Variants in PAMR1 observed in about 807,000 individuals in gnomAD.
The protein encoded by PAMR1 is inactive serine protease PAMR1.
In PAMR1, 88 loss-of-function variants were observed where a neutral mutation model predicts 81.8. The observed-to-expected ratio is 1.08, with a 90% CI of 0.91 to 1.28. The LOEUF is 1.28. Among genes scored for constraint, PAMR1 ranks in the 50% most tolerant of loss-of-function variants. PAMR1 has a pLI of 0.00. For missense variants in PAMR1, 935 were observed against 919.7 expected, an observed-to-expected ratio of 1.02 and a Z score of -0.21; for synonymous variants, 336 against 345.3, an observed-to-expected ratio of 0.97 and a Z score of 0.30.
In PAMR1 at chr11:35,435,889, G is replaced by A. The variant is rs769933994; in HGVS notation, c.1333+14C>T. 6.3e-7 allele frequency: 1 copy of A among 1,581,344 alleles called. No individual in the cohort carries two copies. The highest frequency in any genetic ancestry group is 1.1e-5 in the South Asian group (1 of 90,436). ...ATTGAGCATGCTCAAGCCCAAGAAT[G>A]AGCCTTGACTCACTAGGGATGCAGG... On this transcript the variant is annotated intron_variant, in intron 9 of 10. Coordinates refer to ENST00000619888, the MANE Select transcript of PAMR1 (RefSeq NM_001001991.3).
intron 3 of PAMR1, among the ~76,000 whole-genome samples, chr11:35,482,491 T>C (rs1417520765): frequency 6.6e-6 from 1 of 152,230 alleles, no homozygotes; most frequent in Non-Finnish European, 1.5e-5. Flanking sequence ...CTTTGTTCTT[T>C]TTGCTTAAGA....
chr11:35,447,772 G>A (rs901930321), intron 6 of PAMR1, among the ~76,000 whole-genome samples: 2 of 152,174 alleles, frequency 1.3e-5, no homozygotes, highest in Non-Finnish European at 2.9e-5. Context: ...TTTTTGTAGT[G>A]GCTGGTGACA....
At chr11:35,454,736 A>C (rs1287618019) in intron 6 of PAMR1, among the ~76,000 whole-genome samples, 1 of 152,092 alleles carries the variant, frequency 6.6e-6, no homozygotes, top group East Asian at 1.9e-4. Context: ...TGTGTGCAGC[A>C]CTCCTAGGCA....
intron 1 of PAMR1, among the ~76,000 whole-genome samples, chr11:35,503,808 T>A (rs1850899773): frequency 6.6e-6 from 1 of 152,128 alleles, no homozygotes. Flanking sequence ...TTATTTGGTC[T>A]GCAAGCAAGG....
At chr11:35,482,575 A>C (rs142766300) in intron 3 of PAMR1, among the ~76,000 whole-genome samples, 22 of 152,338 alleles carry the variant, frequency 1.4e-4, no homozygotes, top group African/African-American at 5.1e-4. Flanking sequence ...TCTGTGAAGA[A>C]TGTCAATGAT....
In PAMR1 at chr11:35,515,699, A is replaced by G. The variant is rs599369; in HGVS notation, c.73+9814T>C. Among the ~76,000 whole-genome samples, 1,108 of 152,330 alleles carry G rather than the reference A, an allele frequency of 7.3e-3. 18 individuals are homozygous for G. The highest frequency in any genetic ancestry group is 0.025 in the African/African-American group (1,033 of 41,568). On this transcript the variant is annotated intron_variant, in intron 1 of 10. Coordinates refer to ENST00000619888, the MANE Select transcript of PAMR1 (RefSeq NM_001001991.3). ...CACATGCCTACAAGAACCTGCCACC[A>G]GCCCTATTTCAAACACAGAGAAATG...
At chr11:35,494,964 G>C (rs1203719545) in intron 1 of PAMR1, among the ~76,000 whole-genome samples, 1 of 151,752 alleles carries the variant, frequency 6.6e-6, no homozygotes, top group Admixed American at 6.6e-5. Context: ...TTATATTTTT[G>C]TTAGAATACA....
At chr11:35,435,753 GA>G (rs1223865951) in intron 9 of PAMR1, 149 bp downstream of exon 9, 53 of 612,704 alleles carry the variant, frequency 8.7e-5, no homozygotes, top group Middle Eastern at 3.2e-4. Context: ...TAAGCCAAAG[GA>G]AAAAAAAAGC....
In PAMR1 at chr11:35,451,052, C is replaced by G. The variant is rs1468732287; in HGVS notation, c.821-9359G>C. 4.6e-5 allele frequency among the ~76,000 whole-genome samples: 7 copies of G among 152,364 alleles called. No individual in the cohort carries two copies. In the East Asian group the frequency reaches 1.3e-3, roughly 29 times the overall value. Reference sequence around the variant, plus strand: ...ATACTGAGAGAAAATGAACTGTACTCTAGCCACATCTGCCTCAGCAGAGGA... The same window carrying G: ...ATACTGAGAGAAAATGAACTGTACTGTAGCCACATCTGCCTCAGCAGAGGA... On this transcript the variant is annotated intron_variant, in intron 6 of 10. Coordinates refer to ENST00000619888, the MANE Select transcript of PAMR1 (RefSeq NM_001001991.3).
chr11:35,469,911 T>A (rs1856820442), intron 5 of PAMR1, among the ~76,000 whole-genome samples: 1 of 152,166 alleles, frequency 6.6e-6, no homozygotes, highest in Non-Finnish European at 1.5e-5. Flanking sequence ...AAGCATTTTG[T>A]TCAGTTTGGT....
At chr11:35,483,329 G>A (rs1850437163) in intron 3 of PAMR1, among the ~76,000 whole-genome samples, 1 of 152,168 alleles carries the variant, frequency 6.6e-6, no homozygotes, top group South Asian at 2.1e-4. Flanking sequence ...CCATGAGACT[G>A]TGAGACTTTG....
chr11:35,515,464 T>C (rs899044813), intron 1 of PAMR1, among the ~76,000 whole-genome samples: 5 of 152,180 alleles, frequency 3.3e-5, no homozygotes, highest in Non-Finnish European at 5.9e-5. Flanking sequence ...GGCTAGTCCT[T>C]ATTATAGTTA....
Position 35,466,755 on chromosome 11 carries a change from A to G in PAMR1, c.820+1246T>C, listed in dbSNP as rs1242673492. ...AAAAAAAAAAAAAAAAAAGGAAAAC[A>G]TTAGTGAAAATTAATTCAAAACATA... On this transcript the variant is annotated intron_variant, in intron 6 of 10. Coordinates refer to ENST00000619888, the MANE Select transcript of PAMR1 (RefSeq NM_001001991.3). 2.0e-5 allele frequency among the ~76,000 whole-genome samples: 3 copies of G among 150,452 alleles called. No homozygotes were observed. In the East Asian group the frequency reaches 5.8e-4, roughly 29 times the overall value.
chr11:35,520,024 G>A (rs1851242041), intron 1 of PAMR1, among the ~76,000 whole-genome samples: 1 of 152,186 alleles, frequency 6.6e-6, no homozygotes, highest in African/African-American at 2.4e-5. Context: ...TAGGTTTGTG[G>A]TGAGGATTAA....
Position 35,432,839 on chromosome 11 carries a change from G to C in PAMR1, c.1680C>G (p.Asp560Glu), listed in dbSNP as rs1489810178. Residue 560 changes from aspartate to glutamate, a missense_variant, in exon 11 of 11, where the codon GAC (aspartate) becomes GAG (glutamate). By Grantham distance (45) the Asp-to-Glu change is conservative. Transcript: ENST00000619888. ...PNYDPILLDADIAILKLLDKA... is the reference protein window; with the variant it reads ...PNYDPILLDAEIAILKLLDKA... ...TGTCTAGGAGCTTCAGGATGGCGATGTCAGCATCAAGCAGGATGGGGTCAT... is the reference window on the plus strand; with the variant it reads ...TGTCTAGGAGCTTCAGGATGGCGATCTCAGCATCAAGCAGGATGGGGTCAT... 6.2e-7 allele frequency: 1 copy of C among 1,601,498 alleles called. No homozygotes were observed. Among genetic ancestry groups the C allele is most frequent in the East Asian group, 2.2e-5 (1 of 44,866 alleles).
At chr11:35,526,409 C>T (rs1851391186), upstream of PAMR1, among the ~76,000 whole-genome samples, 1 of 152,158 alleles carries the variant, frequency 6.6e-6, no homozygotes, top group Non-Finnish European at 1.5e-5. Flanking sequence ...ACTGCCTCCA[C>T]CAAAAGGGCT....
chr11:35,501,180 G>C (rs1329430838), intron 1 of PAMR1, among the ~76,000 whole-genome samples: 1 of 148,082 alleles, frequency 6.8e-6, no homozygotes, highest in Non-Finnish European at 1.5e-5. Context: ...ACCCAGGCTG[G>C]AGTGCAGTGG....
At chr11:35,484,721 G>C (rs776982589) in intron 3 of PAMR1, among the ~76,000 whole-genome samples, 4 of 152,152 alleles carry the variant, frequency 2.6e-5, no homozygotes, top group Non-Finnish European at 5.9e-5. Context: ...CTCTCATCTG[G>C]GTTGCTTTCC....
At chr11:35,463,820 T>C (rs1456901562) in intron 6 of PAMR1, among the ~76,000 whole-genome samples, 1 of 152,216 alleles carries the variant, frequency 6.6e-6, no homozygotes, top group East Asian at 1.9e-4. Context: ...CACACCTTCT[T>C]GACAGCTGGT....
Sources: gnomAD v4.1 joint callset for allele counts (sites outside exome capture counted in the v4.1 genomes callset) on GRCh38, gnomAD v4.1.1 for gene constraint, MANE v1.5 for transcripts, NCBI Gene and HGNC (gene_info 2026-07-23, HGNC 2026-07-21) for gene names.